LAMA2: variants seen among roughly 807,000 people sequenced by gnomAD.
LAMA2 encodes laminin subunit alpha 2.
LAMA2 carries 269 observed loss-of-function variants against 364.8 expected under a neutral mutation model. That is an observed-to-expected ratio of 0.74 (90% CI 0.67 to 0.82). LAMA2 has a LOEUF of 0.82. LAMA2 is among the 40% of genes least tolerant of loss of function. The pLI is 0.00. For synonymous variants in LAMA2, 1,379 were observed against 1,370.6 expected (o/e 1.01, Z -0.14); for missense variants, 3,807 against 3,873.2 (o/e 0.98, Z 0.45).
intron 4 of LAMA2, among the ~76,000 whole-genome samples, chr6:129,133,883 C>G (rs769147346): frequency 1.3e-5 from 2 of 152,022 alleles, no homozygotes; most frequent in East Asian, 1.9e-4. Flanking sequence ...CACACACACA[C>G]GCGCACACAC....
chr6:129,245,845 A>G (rs893191484), intron 12 of LAMA2, among the ~76,000 whole-genome samples: 3 of 152,230 alleles, frequency 2.0e-5, no homozygotes, highest in African/African-American at 7.2e-5. Context: ...GAATTCTGGC[A>G]GGAAAATTCA....
intron 40 of LAMA2, among the ~76,000 whole-genome samples, chr6:129,404,641 T>TA (rs1416762007): frequency 1.3e-5 from 2 of 152,104 alleles, no homozygotes; most frequent in South Asian, 2.1e-4. Flanking sequence ...TATTTCAGGT[T>TA]AAAAAAATCT....
At chr6:128,936,014 T>A (rs778072746) in intron 1 of LAMA2, among the ~76,000 whole-genome samples, 5 of 151,962 alleles carry the variant, frequency 3.3e-5, no homozygotes, top group Admixed American at 6.5e-5. Context: ...TGAGTTCTCA[T>A]GAGCTCTGAT....
chr6:129,079,994 G>T (rs903401049), intron 3 of LAMA2, among the ~76,000 whole-genome samples: 1 of 152,096 alleles, frequency 6.6e-6, no homozygotes, highest in East Asian at 1.9e-4. Context: ...TTTATTATTT[G>T]TATAAATTAT....
chr6:129,355,928 C>T (rs1207734894), intron 32 of LAMA2, among the ~76,000 whole-genome samples: 10 of 152,068 alleles, frequency 6.6e-5, no homozygotes, highest in Admixed American at 6.6e-4. Context: ...AGGTAATTTG[C>T]ATATTGGTGA....
chr6:128,917,057 A>G (rs536292974), intron 1 of LAMA2, among the ~76,000 whole-genome samples: 4 of 150,638 alleles, frequency 2.7e-5, no homozygotes, highest in Non-Finnish European at 5.9e-5. Context: ...GATTCTTTTC[A>G]TTTTTTTCTT....
At chr6:129,299,645 C>T (rs1400422684) in intron 21 of LAMA2, among the ~76,000 whole-genome samples, 1 of 152,098 alleles carries the variant, frequency 6.6e-6, no homozygotes, top group Non-Finnish European at 1.5e-5. Context: ...TAATGAAGGA[C>T]ACATCTAAAA....
rs376727105 is a variant in LAMA2 at position 129,190,288 on chromosome 6, G to A, written c.1551G>A (p.Glu517=). 11 of 1,613,750 alleles carry A rather than the reference G, an allele frequency of 6.8e-6. No homozygotes were observed. The highest frequency in any genetic ancestry group is 9.3e-6 in the Non-Finnish European group (11 of 1,179,678). Residue 517 remains glutamate, a synonymous_variant, in exon 11 of 65, where the codon GAG becomes GAA. Transcript: ENST00000421865. ...AGGATAATTGGAAAGGCTGCGATGA[G>A]TGTTTCTGTTCAGGGGTTTCAAACA... ...LQEDNWKGCD[E]CFCSGVSNRC...
chr6:129,313,079 T>C lies in LAMA2; in HGVS notation c.3393T>C (p.Thr1131=). 2 of 1,606,752 alleles carry C rather than the reference T, an allele frequency of 1.2e-6. No individual in the cohort carries two copies. Among genetic ancestry groups the C allele is most frequent in the Middle Eastern group, 1.7e-4 (1 of 6,016 alleles). ...ETKKCSCSDQ[T]GQCTCKVNVE... is the part of the protein sequence containing the mutation. ...AAAAATGCTCCTGTAGTGATCAAAC[T>C]GGGCAGTGCACTTGTAAGGTATGTG... is the stretch of plus-strand genomic sequence containing the variant. Residue 1131 remains threonine (T), a synonymous_variant, in exon 23 of 65, where the codon ACT becomes ACC. Coordinates refer to ENST00000421865, the MANE Select transcript of LAMA2 (RefSeq NM_000426.4).
At chr6:129,173,152 G>C (rs1436867100) in intron 9 of LAMA2, among the ~76,000 whole-genome samples, 1 of 152,246 alleles carries the variant, frequency 6.6e-6, no homozygotes, top group Admixed American at 6.5e-5. Flanking sequence ...CACGCTGGGA[G>C]CTGTAGACCG....
intron 9 of LAMA2, among the ~76,000 whole-genome samples, chr6:129,172,979 T>A (rs1172352930): frequency 6.6e-6 from 1 of 152,244 alleles, no homozygotes; most frequent in Non-Finnish European, 1.5e-5. Flanking sequence ...GAAAGGGAAC[T>A]CCCTGACCCC....
chr6:129,158,401 C>T (rs1779252946), intron 8 of LAMA2: 4 of 1,613,956 alleles, frequency 2.5e-6, no homozygotes, highest in Non-Finnish European at 3.4e-6. Flanking sequence ...CGGCCTTTAC[C>T]AACTTGCCGG....
At chr6:129,320,449 T>C (rs1774893700) in intron 27 of LAMA2, 89 bp from the exon 28 acceptor site, 1 of 826,656 alleles carries the variant, frequency 1.2e-6, no homozygotes, top group Non-Finnish European at 2.1e-6. Context: ...GACAAAAACG[T>C]GAGAAGGATA....
chr6:128,955,736 T>G (rs1262268276), intron 1 of LAMA2, among the ~76,000 whole-genome samples: 1 of 151,954 alleles, frequency 6.6e-6, no homozygotes, highest in Non-Finnish European at 1.5e-5. Flanking sequence ...TTTCTAGTAG[T>G]GTCAAATCTG....
Position 129,315,838 on chromosome 6 carries a change from A to G in LAMA2, c.3812A>G (p.Asn1271Ser). The change falls in exon 26 of 65, where the codon AAT becomes AGT. Residue 1271 changes from asparagine (N) to serine (S), a missense_variant. Coordinates refer to ENST00000421865, the MANE Select transcript of LAMA2 (RefSeq NM_000426.4). ...AREETGFSTY[N>S]PQVIIRGGTP... ...GAAGAAACAGGTTTCTCTACATATA[A>G]TCCTCAAGTGATCATTCGAGGTGGG... is the stretch of plus-strand genomic sequence containing the variant. The G allele has an allele frequency of 6.2e-7, 1 of 1,613,944 alleles. No homozygotes were observed. The highest frequency in any genetic ancestry group is 1.7e-5 in the Admixed American group (1 of 60,022).
At chr6:129,184,474 C>T (rs551029619) in intron 10 of LAMA2, among the ~76,000 whole-genome samples, 1 of 151,984 alleles carries the variant, frequency 6.6e-6, no homozygotes, top group Non-Finnish European at 1.5e-5. Flanking sequence ...GAGGCCTCAT[C>T]GTTGACCCTT....
At chr6:128,938,641 T>A (rs1030111806) in intron 1 of LAMA2, among the ~76,000 whole-genome samples, 2 of 152,188 alleles carry the variant, frequency 1.3e-5, no homozygotes, top group South Asian at 4.1e-4. Flanking sequence ...AAAATGTACT[T>A]CTCAGAGGAT....
At chr6:129,501,511 G>C (rs1200644362) in intron 58 of LAMA2, among the ~76,000 whole-genome samples, 1 of 152,154 alleles carries the variant, frequency 6.6e-6, no homozygotes, top group Non-Finnish European at 1.5e-5. Flanking sequence ...AGAGAACAAG[G>C]CTTTTCCTCA....
chr6:129,465,321 C>A (rs1783487933), intron 51 of LAMA2, 32 bp downstream of exon 51: 4 of 1,560,586 alleles, frequency 2.6e-6, no homozygotes, highest in East Asian at 2.2e-5. Flanking sequence ...GCAATATAGG[C>A]CTTAATCATG....
Sources: gnomAD v4.1 joint callset for allele counts (sites outside exome capture counted in the v4.1 genomes callset) on GRCh38, gnomAD v4.1.1 for gene constraint, MANE v1.5 for transcripts, NCBI Gene and HGNC (gene_info 2026-07-23, HGNC 2026-07-21) for gene names.